CRTAC1: variants seen among roughly 807,000 people sequenced by gnomAD.
CRTAC1 encodes the protein acidic secreted protein in cartilage.
In CRTAC1, 37 loss-of-function variants were observed where a neutral mutation model predicts 67.8. That is an observed-to-expected ratio of 0.55 (90% CI 0.42 to 0.72). The LOEUF is 0.72. CRTAC1 is among the 30% of genes least tolerant of loss of function. The pLI is 0.00. For missense variants in CRTAC1, 780 were observed against 931.6 expected, an observed-to-expected ratio of 0.84 and a Z score of 2.12; for synonymous variants, 348 against 371.0, an observed-to-expected ratio of 0.94 and a Z score of 0.71.
intron 3 of CRTAC1, among the ~76,000 whole-genome samples, chr10:97,930,174 G>C (rs908786674): frequency 4.6e-5 from 7 of 152,234 alleles, no homozygotes; most frequent in African/African-American, 1.7e-4. Context: ...AGGTTGCACA[G>C]CTGTTGTGAG....
chr10:97,980,544 T>C (rs2051877148), intron 2 of CRTAC1, among the ~76,000 whole-genome samples: 1 of 152,200 alleles, frequency 6.6e-6, no homozygotes, highest in African/African-American at 2.4e-5. Context: ...CTTGGGTGCT[T>C]GGGACTAATG....
chr10:97,923,166 G>A (rs967419300), intron 4 of CRTAC1, 98 bp downstream of exon 4: 174 of 1,434,026 alleles, frequency 1.2e-4, no homozygotes, highest in Non-Finnish European at 1.6e-4. Context: ...CCAAGACACC[G>A]CGGGAGACGC....
chr10:97,991,304 T>C (rs1842450782), intron 2 of CRTAC1, among the ~76,000 whole-genome samples: 2 of 151,410 alleles, frequency 1.3e-5, no homozygotes, highest in Non-Finnish European at 2.9e-5. Flanking sequence ...TGTCAGCTAC[T>C]TGGGAGGCTG....
intron 2 of CRTAC1, among the ~76,000 whole-genome samples, chr10:97,944,841 T>A (rs2051239910): frequency 6.6e-6 from 1 of 152,154 alleles, no homozygotes; most frequent in Non-Finnish European, 1.5e-5. Flanking sequence ...AAGCTAGCCC[T>A]ATGGAGAGGC....
intron 3 of CRTAC1, among the ~76,000 whole-genome samples, chr10:97,931,425 A>G (rs1398528106): frequency 2.6e-5 from 4 of 152,260 alleles, no homozygotes; most frequent in Non-Finnish European, 5.9e-5. Context: ...GGCAAAAGGC[A>G]AAAGACTGCA....
chr10:97,884,381 G>T, intron 11 of CRTAC1, 30 bp from the exon 12 acceptor site: 1 of 1,542,884 alleles, frequency 6.5e-7, no homozygotes, highest in Non-Finnish European at 8.8e-7. Flanking sequence ...AGCATCAGCA[G>T]CAGAGGAGAG....
intron 2 of CRTAC1, among the ~76,000 whole-genome samples, chr10:97,989,442 C>G (rs1842393235): frequency 6.6e-6 from 1 of 152,170 alleles, no homozygotes; most frequent in South Asian, 2.1e-4. Context: ...CACACCTAGG[C>G]TAGATGGTAT....
chr10:97,971,124 G>T (rs2051704400), intron 2 of CRTAC1, among the ~76,000 whole-genome samples: 3 of 152,162 alleles, frequency 2.0e-5, no homozygotes. Context: ...TCTGATAGAG[G>T]CAGTAAAAAT....
chr10:98,020,954 G>T (rs1169045963), intron 1 of CRTAC1, among the ~76,000 whole-genome samples: 1 of 152,218 alleles, frequency 6.6e-6, no homozygotes, highest in South Asian at 2.1e-4. Flanking sequence ...AAAGAAGCCA[G>T]TTAGGAGGCA....
chr10:97,909,093 T>C (rs2050653579), intron 5 of CRTAC1, among the ~76,000 whole-genome samples: 1 of 152,200 alleles, frequency 6.6e-6, no homozygotes, highest in Non-Finnish European at 1.5e-5. Flanking sequence ...TATATGTTTT[T>C]TAAAACGGAA....
At chr10:98,000,367 G>A (rs1312455137) in intron 2 of CRTAC1, among the ~76,000 whole-genome samples, 3 of 152,168 alleles carry the variant, frequency 2.0e-5, no homozygotes, top group African/African-American at 4.8e-5. Flanking sequence ...GTGCCACCAC[G>A]TTCCCCAGTG....
intron 2 of CRTAC1, among the ~76,000 whole-genome samples, chr10:97,986,948 G>A (rs2051992223): frequency 6.6e-6 from 1 of 152,226 alleles, no homozygotes; most frequent in Non-Finnish European, 1.5e-5. Flanking sequence ...AAAGCACAGA[G>A]TTTGGTACAT....
chr10:97,875,614 C>A (rs561975447), intron 14 of CRTAC1, among the ~76,000 whole-genome samples: 2 of 152,204 alleles, frequency 1.3e-5, no homozygotes, highest in East Asian at 3.9e-4. Context: ...GCCCTGGGCA[C>A]AGGGAGGCAG....
At position 97,865,619 on chromosome 10, in the gene CRTAC1, C is replaced by T; in HGVS notation, c.1915G>A (p.Ala639Thr). The change falls in exon 15 of 15, where the codon GCA becomes ACA. Residue 639 changes from alanine to threonine, a missense_variant. By Grantham distance (58) the Ala-to-Thr change is moderately conservative. Transcript: ENST00000370597. ...AGATCTCCATCTACGAGGACCGGTG[C>T]AGCAGTGGCAGCTCCAGCAGCGGCA... The part of the protein sequence containing the change: ...AAAAAGAATA[A>T]PVLVDGDLNL... 2 of 1,613,472 alleles carry T rather than the reference C, an allele frequency of 1.2e-6. No individual in the cohort carries two copies. The highest frequency in any genetic ancestry group is 1.7e-6 in the Non-Finnish European group (2 of 1,179,678).
At chr10:97,960,128 C>T (rs534892558) in intron 2 of CRTAC1, among the ~76,000 whole-genome samples, 1 of 152,350 alleles carries the variant, frequency 6.6e-6, no homozygotes, top group Admixed American at 6.5e-5. Context: ...TAGGAATGCT[C>T]CCGAAGTTCC....
At chr10:98,010,074 C>G (rs1842876328) in intron 2 of CRTAC1, among the ~76,000 whole-genome samples, 1 of 148,042 alleles carries the variant, frequency 6.8e-6, no homozygotes, top group South Asian at 2.1e-4. Context: ...GAGTCTTGCT[C>G]TGTCGCCCAG....
At chr10:97,879,965 C>T (rs1360309359) in intron 14 of CRTAC1, among the ~76,000 whole-genome samples, 3 of 152,110 alleles carry the variant, frequency 2.0e-5, no homozygotes, top group South Asian at 4.2e-4. Context: ...TATGAAAATA[C>T]GGGCTGACCT....
At chr10:97,935,993 G>T (rs1236836160) in intron 3 of CRTAC1, among the ~76,000 whole-genome samples, 177 bp downstream of exon 3, 2 of 152,154 alleles carry the variant, frequency 1.3e-5, no homozygotes, top group African/African-American at 4.8e-5. Context: ...AGGCTCACAC[G>T]CAAGAGAAGA....
intron 3 of CRTAC1, among the ~76,000 whole-genome samples, chr10:97,926,136 G>C (rs1356552367): frequency 6.6e-6 from 1 of 152,174 alleles, no homozygotes; most frequent in East Asian, 1.9e-4. Context: ...TGCAGGGGTT[G>C]TAGGTGGAGG....
Sources: allele counts gnomAD v4.1 joint callset (sites outside exome capture counted in the v4.1 genomes callset), GRCh38; gene constraint gnomAD v4.1.1; transcripts MANE v1.5; gene names NCBI Gene and HGNC (gene_info 2026-07-23, HGNC 2026-07-21).